TMEM260: variants seen among roughly 807,000 people sequenced by gnomAD.
TMEM260 encodes protein O-mannosyl-transferase TMEM260.
In TMEM260, 82 loss-of-function variants were observed where a neutral mutation model predicts 88.9. The observed-to-expected ratio is 0.92, with a 90% CI of 0.77 to 1.11. TMEM260 has a LOEUF of 1.11. Among genes scored for constraint, TMEM260 ranks in the 50% least tolerant of loss-of-function variants. The probability of loss-of-function intolerance (pLI) is 0.00; values close to 1 mark genes in which losing one functional copy is unlikely to be tolerated. For synonymous variants in TMEM260, 314 were observed against 309.3 expected, an observed-to-expected ratio of 1.02 and a Z score of -0.16; for missense variants, 902 against 853.4, an observed-to-expected ratio of 1.06 and a Z score of -0.71.
intron 6 of TMEM260, among the ~76,000 whole-genome samples, chr14:56,610,329 C>T (rs1354610513): frequency 1.3e-5 from 2 of 152,146 alleles, no homozygotes; most frequent in Non-Finnish European, 2.9e-5. Flanking sequence ...CAAGCTCCGC[C>T]TCCCGGGTTC....
At chr14:56,620,733 T>G (rs1887865102) in intron 10 of TMEM260, among the ~76,000 whole-genome samples, 1 of 152,208 alleles carries the variant, frequency 6.6e-6, no homozygotes. Context: ...ACCCCAGATA[T>G]TCTCAGCTCC....
intron 3 of TMEM260, among the ~76,000 whole-genome samples, chr14:56,596,572 G>T (rs1239159195): frequency 6.7e-6 from 1 of 150,228 alleles, no homozygotes; most frequent in African/African-American, 2.4e-5. Flanking sequence ...TTCAAGACTA[G>T]CCTCAACATG....
chr14:56,638,806 G>A (rs72711234), intron 15 of TMEM260, among the ~76,000 whole-genome samples: 3,688 of 152,172 alleles, frequency 0.024, 98 homozygotes, highest in East Asian at 0.1. Flanking sequence ...AGGGCAGGGC[G>A]TAGGCAATGC....
chr14:56,636,686 T>G, intron 15 of TMEM260, 88 bp downstream of exon 15: 1 of 1,124,198 alleles, frequency 8.9e-7, no homozygotes, highest in Non-Finnish European at 1.3e-6. Flanking sequence ...TATATCACAT[T>G]AGAATTTTTA....
chr14:56,604,472 A>G (rs1295454015), intron 4 of TMEM260, among the ~76,000 whole-genome samples: 2 of 152,214 alleles, frequency 1.3e-5, no homozygotes, highest in East Asian at 1.9e-4. Context: ...TAAGACAAAC[A>G]CTATCATCAA....
In TMEM260 at chr14:56,603,800, T is replaced by C; in HGVS notation, c.345-15T>C. Reference sequence around the variant, plus strand: ...TTTGTTGGAAAAGAAGATTTCATGTTATCTGTGTTTGCAGGCTTTCTGGCT... The same window carrying C: ...TTTGTTGGAAAAGAAGATTTCATGTCATCTGTGTTTGCAGGCTTTCTGGCT... On this transcript the variant is annotated splice_polypyrimidine_tract_variant and intron_variant, in intron 3 of 15. Coordinates refer to ENST00000261556, the MANE Select transcript of TMEM260 (RefSeq NM_017799.4). 1 of 1,613,610 alleles carries C rather than the reference T, an allele frequency of 6.2e-7. No homozygotes were observed.
At chr14:56,597,014 A>T (rs1484271397) in intron 3 of TMEM260, among the ~76,000 whole-genome samples, 4 of 151,944 alleles carry the variant, frequency 2.6e-5, no homozygotes, top group Admixed American at 2.6e-4. Flanking sequence ...ATACCTATTT[A>T]TTGCGTTTAA....
At chr14:56,618,190 C>G (rs1444575793) in intron 9 of TMEM260, among the ~76,000 whole-genome samples, 1 of 152,206 alleles carries the variant, frequency 6.6e-6, no homozygotes, top group Non-Finnish European at 1.5e-5. Flanking sequence ...ACTCCCCAGT[C>G]AGATCAGTCC....
chr14:56,652,102 G>T (rs1044560904), downstream of TMEM260, among the ~76,000 whole-genome samples: 1 of 152,112 alleles, frequency 6.6e-6, no homozygotes, highest in Non-Finnish European at 1.5e-5. Context: ...AAACTGAAAG[G>T]GGAACACTGC....
chr14:56,595,323 A>G (rs1438877388), intron 3 of TMEM260, among the ~76,000 whole-genome samples: 1 of 152,084 alleles, frequency 6.6e-6, no homozygotes, highest in Non-Finnish European at 1.5e-5. Flanking sequence ...TGTCTTATTG[A>G]TATGGAGGGT....
intron 14 of TMEM260, 96 bp downstream of exon 14, chr14:56,635,048 GATA>G: frequency 2.8e-6 from 3 of 1,057,734 alleles, no homozygotes; most frequent in Non-Finnish European, 4.4e-6. Flanking sequence ...GGTGAGTAGT[GATA>G]ATAAAAATAG....
At chr14:56,637,438 A>T (rs568352693) in intron 15 of TMEM260, among the ~76,000 whole-genome samples, 1 of 152,302 alleles carries the variant, frequency 6.6e-6, no homozygotes, top group African/African-American at 2.4e-5. Flanking sequence ...AAGGTCTTGC[A>T]CAAATCGGTC....
chr14:56,633,633 G>T (rs1210914902), intron 13 of TMEM260, among the ~76,000 whole-genome samples: 3 of 152,018 alleles, frequency 2.0e-5, no homozygotes, highest in African/African-American at 7.2e-5. Context: ...GCTTTGAGTA[G>T]CTTTGTTTTC....
intron 11 of TMEM260, among the ~76,000 whole-genome samples, chr14:56,623,314 T>A (rs751830154): frequency 5.3e-5 from 8 of 152,152 alleles, no homozygotes; most frequent in Non-Finnish European, 1.0e-4. Flanking sequence ...TTCTCTTGAC[T>A]TTTCCCTCCC....
chr14:56,582,768 GT>G (rs1024291975), intron 1 of TMEM260, among the ~76,000 whole-genome samples: 1 of 152,126 alleles, frequency 6.6e-6, no homozygotes, highest in South Asian at 2.1e-4. Context: ...GAAGCTCGAG[GT>G]TTTTTTACTA....
the TMEM260 span, among the ~76,000 whole-genome samples, chr14:56,659,351 AG>A: frequency 2.6e-5 from 4 of 151,890 alleles, no homozygotes; most frequent in East Asian, 7.8e-4. Flanking sequence ...TTAGGCCTCA[AG>A]ACAAACAATA....
chr14:56,636,860 A>G (rs1176609191), intron 15 of TMEM260, among the ~76,000 whole-genome samples: 2 of 152,192 alleles, frequency 1.3e-5, no homozygotes, highest in East Asian at 1.9e-4. Flanking sequence ...TATGTTACCT[A>G]TGTAACAAAG....
At chr14:56,582,494 T>C (rs1242217892) in intron 1 of TMEM260, among the ~76,000 whole-genome samples, 1 of 152,200 alleles carries the variant, frequency 6.6e-6, no homozygotes, top group Non-Finnish European at 1.5e-5. Flanking sequence ...GAGCTGGTTT[T>C]TGTAAAGGTT....
intron 12 of TMEM260, among the ~76,000 whole-genome samples, chr14:56,631,847 A>G (rs751967227): frequency 1.3e-4 from 20 of 152,060 alleles, no homozygotes; most frequent in Non-Finnish European, 2.5e-4. Context: ...CTGTTGGGAA[A>G]CTGCCTTTTC....
Sources: allele counts gnomAD v4.1 joint callset (sites outside exome capture counted in the v4.1 genomes callset), GRCh38; gene constraint gnomAD v4.1.1; transcripts MANE v1.5; gene names NCBI Gene and HGNC (gene_info 2026-07-23, HGNC 2026-07-21).